VWF: variants seen among roughly 807,000 people sequenced by gnomAD.
VWF encodes the protein von Willebrand factor.
A neutral mutation model predicts 308.6 loss-of-function variants in VWF; 176 were observed. The observed-to-expected ratio is 0.57, with a 90% CI of 0.50 to 0.65. The LOEUF is 0.65. VWF is among the 30% of genes least tolerant of loss of function. The probability of loss-of-function intolerance (pLI) is 0.00; values close to 1 mark genes in which losing one functional copy is unlikely to be tolerated. For synonymous variants in VWF, 1,385 were observed against 1,443.4 expected, an observed-to-expected ratio of 0.96 and a Z score of 0.92; for missense variants, 3,146 against 3,648.2, an observed-to-expected ratio of 0.86 and a Z score of 3.55.
intron 34 of VWF, among the ~76,000 whole-genome samples, chr12:5,998,059 T>C (rs771728572): frequency 6.6e-6 from 1 of 152,178 alleles, no homozygotes; most frequent in Non-Finnish European, 1.5e-5. Flanking sequence ...ACAATACAAA[T>C]ATTTGTGATT....
chr12:5,971,834 T>C, intron 43 of VWF, 125 bp from the exon 44 acceptor site: 1 of 843,122 alleles, frequency 1.2e-6, no homozygotes, highest in Admixed American at 2.0e-5. Flanking sequence ...GGCATTTTCA[T>C]CTTTGTTGTC....
intron 3 of VWF, among the ~76,000 whole-genome samples, chr12:6,119,473 C>T (rs1275909784): frequency 2.0e-5 from 3 of 152,172 alleles, no homozygotes; most frequent in Non-Finnish European, 2.9e-5. Flanking sequence ...CTCATGCTGT[C>T]CCCACCACAT....
At position 6,063,017 on chromosome 12, in the gene VWF, C is replaced by G. The variant is rs547046344; in HGVS notation, c.1470G>C (p.Val490=). ...GCAGGTCCTCCCCGTAGCTGAGGCG[C>G]ACGGAGGCCGTCACTGTATGCTGGA... ...LRIQHTVTAS[V]RLSYGEDLQM... is the part of the protein sequence containing the mutation. The change falls in exon 13 of 52, where the codon GTG becomes GTC. Residue 490 remains valine (V), a synonymous_variant. Coordinates refer to ENST00000261405, the MANE Select transcript of VWF (RefSeq NM_000552.5). The surrounding 1 kb of genome is among the most constrained non-coding windows in gnomAD (Gnocchi z 4.9). The G allele has an allele frequency of 3.2e-5, 52 of 1,613,760 alleles. No homozygotes were observed. In the East Asian group the frequency reaches 1.0e-3, roughly 32 times the overall value.
At position 6,095,535 on chromosome 12, in the gene VWF, G is replaced by C; in HGVS notation, c.582C>G (p.Ser194Arg). ...PYDFANSWALSSGEQWCERAS... is the reference protein window; with the variant it reads ...PYDFANSWALRSGEQWCERAS... ...CCCGTTCACACCACTGTTCTCCACT[G>C]CTCAGAGCCCATGAGTTGGCAAAGT... The change falls in exon 6 of 52, where the codon AGC becomes AGG. Residue 194 changes from serine (S) to arginine (R), a missense_variant. This residue lies in a region of VWF where 1,304 missense variants were observed against 1,353.0 expected (regional missense o/e 0.96). Coordinates refer to ENST00000261405, the MANE Select transcript of VWF (RefSeq NM_000552.5). 6.2e-7 allele frequency: 1 copy of C among 1,614,172 alleles called. No homozygotes were observed. Among genetic ancestry groups the C allele is most frequent in the Non-Finnish European group, 8.5e-7 (1 of 1,180,034 alleles).
chr12:5,965,447 T>A (rs1434570734), intron 47 of VWF, among the ~76,000 whole-genome samples: 1 of 152,172 alleles, frequency 6.6e-6, no homozygotes, highest in Non-Finnish European at 1.5e-5. Flanking sequence ...AACCCATTCA[T>A]TGCTCAAGGT....
chr12:5,967,157 A>G (rs937815368), intron 47 of VWF, among the ~76,000 whole-genome samples: 6 of 152,254 alleles, frequency 3.9e-5, no homozygotes, highest in African/African-American at 7.2e-5. Flanking sequence ...CTAATTTTTA[A>G]TATTTTCAAA....
chr12:5,979,437 T>C (rs1302751864), intron 42 of VWF, among the ~76,000 whole-genome samples: 1 of 152,204 alleles, frequency 6.6e-6, no homozygotes, highest in African/African-American at 2.4e-5. Flanking sequence ...TCTGAACACA[T>C]AATCAGTCCT....
At chr12:6,076,070 T>C (rs11611247) in intron 6 of VWF, among the ~76,000 whole-genome samples, 1 of 140,824 alleles carries the variant, frequency 7.1e-6, no homozygotes, top group South Asian at 2.4e-4. Context: ...ATCAGCAAGA[T>C]TTTTTTTTTT....
chr12:5,969,233 C>T lies in VWF; in HGVS notation c.7707G>A (p.Ala2569=), dbSNP rs143235468. 6.8e-5 allele frequency: 110 copies of T among 1,613,878 alleles called. No homozygotes were observed. The African/African-American group carries it at 7.5e-4, about 11-fold the overall frequency. The stretch of plus-strand genomic sequence containing the variant: ...TACCACAGCGACAGCTTGGGCAGCA[C>T]GCTGAGGTCTTACAGCTCAGCTGAA... ...SGFQLSCKTS[A]CCPSCRCERM... The change falls in exon 45 of 52, where the codon GCG becomes GCA. Residue 2569 remains alanine (A), a synonymous_variant. Transcript: ENST00000261405.
chr12:5,949,956 C>T (rs1817282866), intron 50 of VWF, 73 bp from the exon 51 acceptor site: 1 of 1,374,864 alleles, frequency 7.3e-7, no homozygotes, highest in Non-Finnish European at 1.0e-6. Flanking sequence ...CCCCAGTGCC[C>T]TCACTGGGCT....
chr12:5,985,732 G>T, intron 38 of VWF, 67 bp from the exon 39 acceptor site: 1 of 1,478,940 alleles, frequency 6.8e-7, no homozygotes, highest in Non-Finnish European at 9.3e-7. Flanking sequence ...AATTCACAGA[G>T]GTCAGCTCTC....
chr12:5,964,652 CAG>C lies in VWF; in HGVS notation c.7887+2832_7887+2833del, dbSNP rs550101716. Reference sequence around the variant, plus strand: ...AAGGTTAGGAGTCAGTAAGCTTGCTCAGAGATTAATTTAAACCATTTGCTCTC... The same window carrying C: ...AAGGTTAGGAGTCAGTAAGCTTGCTCAGATTAATTTAAACCATTTGCTCTC... On this transcript the variant is annotated intron_variant, in intron 47 of 51. Coordinates refer to ENST00000261405, the MANE Select transcript of VWF (RefSeq NM_000552.5). Among the ~76,000 whole-genome samples, 373 of 152,292 alleles carry C rather than the reference CAG, an allele frequency of 2.4e-3. 1 individual carries two copies. Among genetic ancestry groups the C allele is most frequent in the African/African-American group, 8.4e-3 (348 of 41,542 alleles).
chr12:5,983,650 CAT>C lies in VWF; in HGVS notation c.6977-398_6977-397del, dbSNP rs1180002315. On this transcript the variant is annotated intron_variant, in intron 40 of 51. Coordinates refer to ENST00000261405, the MANE Select transcript of VWF (RefSeq NM_000552.5). ...ATAGATATAGAATAGATGATAGATA[CAT>C]ATGTTAGACAGAGATAGGATAGATG... 9.2e-5 allele frequency among the ~76,000 whole-genome samples: 14 copies of C among 151,396 alleles called. No homozygotes were observed. In the East Asian group the frequency reaches 2.6e-3, roughly 28 times the overall value.
intron 47 of VWF, among the ~76,000 whole-genome samples, chr12:5,966,949 A>T (rs998259787): frequency 6.6e-6 from 1 of 152,248 alleles, no homozygotes; most frequent in Non-Finnish European, 1.5e-5. Flanking sequence ...AGGAACGAGG[A>T]GTCCACCTCT....
At chr12:6,045,033 C>T (rs1944433921) in intron 17 of VWF, among the ~76,000 whole-genome samples, 1 of 152,200 alleles carries the variant, frequency 6.6e-6, no homozygotes, top group African/African-American at 2.4e-5. Context: ...TTCTTCTCAC[C>T]ATCTGATATA....
chr12:6,072,592 A>T, intron 8 of VWF, 150 bp from the exon 9 acceptor site: 1 of 713,788 alleles, frequency 1.4e-6, no homozygotes, highest in South Asian at 1.5e-5. Flanking sequence ...ATAATGCAAT[A>T]TAAGGAAGGG....
chr12:6,029,365 C>G lies in VWF; in HGVS notation c.2944G>C (p.Val982Leu), dbSNP rs376548659. Residue 982 changes from valine to leucine, a missense_variant, in exon 22 of 52, where the codon GTG (valine) becomes CTG (leucine). Coordinates refer to ENST00000261405, the MANE Select transcript of VWF (RefSeq NM_000552.5). ...ACCTGGTATGTCTGCTTCAGGACCA[C>G]GGAGATGCTCAGGTGGCGGTCCCAG... ...VVWDRHLSIS[V>L]VLKQTYQEKV... 50 of 1,614,034 alleles carry G rather than the reference C, an allele frequency of 3.1e-5. No homozygotes were observed. The highest frequency in any genetic ancestry group is 4.1e-5 in the Non-Finnish European group (48 of 1,180,044).
chr12:6,097,612 C>T (rs1031466689), intron 5 of VWF, among the ~76,000 whole-genome samples: 5 of 152,118 alleles, frequency 3.3e-5, no homozygotes, highest in Admixed American at 1.3e-4. Flanking sequence ...AGATGCTTCC[C>T]GAGAGCTTCT....
At chr12:5,981,719 A>G (rs1943607966) in intron 42 of VWF, 67 bp downstream of exon 42, 9 of 1,546,516 alleles carry the variant, frequency 5.8e-6, no homozygotes, top group Admixed American at 1.7e-5. Flanking sequence ...GGATAGAAGG[A>G]TAAACTGACA....
Sources: gnomAD v4.1 joint callset for allele counts (sites outside exome capture counted in the v4.1 genomes callset) on GRCh38, gnomAD v4.1.1 for gene constraint, gnomAD v4.1.1 regional missense constraint, Gnocchi (gnomAD v3.1) non-coding constraint, MANE v1.5 for transcripts, NCBI Gene and HGNC (gene_info 2026-07-23, HGNC 2026-07-21) for gene names.